The following SLC2A14 variants were observed in gnomAD, a reference collection of about 807,000 sequenced individuals.
SLC2A14 encodes solute carrier family 2 member 14, also known as solute carrier family 2, facilitated glucose transporter member 14.
In SLC2A14, 13 loss-of-function variants were observed where a neutral mutation model predicts 43.0. The ratio of observed to expected loss-of-function variants is 0.30; its 90% CI spans 0.20 to 0.48. The LOEUF is 0.48. Among genes scored for constraint, SLC2A14 ranks in the 20% least tolerant of loss-of-function variants. The pLI, the probability that SLC2A14 is intolerant of heterozygous loss-of-function variation, is 0.99. For missense variants in SLC2A14, 428 were observed against 620.4 expected (o/e 0.69, Z 3.29); for synonymous variants, 190 against 233.8 (o/e 0.81, Z 1.71).
chr12:7,819,233 C>A lies in SLC2A14; in HGVS notation c.1071+249G>T, dbSNP rs774459248. On this transcript the variant is annotated intron_variant, in intron 9 of 10. Transcript: ENST00000431042. ...ACTCCGTCTCAAACAAACAAACAAACAAACAAAAGAATTAAATTAGATAAC... is the reference window on the plus strand; with the variant it reads ...ACTCCGTCTCAAACAAACAAACAAAAAAACAAAAGAATTAAATTAGATAAC... Among the ~76,000 whole-genome samples the A allele has an allele frequency of 2.9e-3, 437 of 151,664 alleles. 6 individuals are homozygous for A. Among genetic ancestry groups the A allele is most frequent in the South Asian group, 7.3e-3 (35 of 4,814 alleles).
chr12:7,871,934 A>G, intron 1 of SLC2A14: 1 of 983,604 alleles, frequency 1.0e-6, no homozygotes, highest in South Asian at 4.7e-5. Context: ...GGGAGGCAGA[A>G]TCTCCAATAG....
Position 7,891,145 on chromosome 12 carries a change from T to C in SLC2A14, c.-18A>G, listed in dbSNP as rs1480258073. Reference sequence around the variant, plus strand: ...CTTTGCATTGTGAACAAAAGTCAGGTTGTGTGGGAGCAAAGCCAGCTGCTC... The same window carrying C: ...CTTTGCATTGTGAACAAAAGTCAGGCTGTGTGGGAGCAAAGCCAGCTGCTC... On this transcript the variant is annotated 5_prime_UTR_variant, in exon 1 of 10. Transcript: ENST00000539924. 3.9e-6 allele frequency: 6 copies of C among 1,529,748 alleles called. No individual in the cohort carries two copies. The East Asian group carries it at 1.2e-4, about 31-fold the overall frequency. 94.8% of individuals were successfully genotyped at this position (1,529,748 alleles called of 1,614,324 possible). A position where few individuals can be genotyped will look rare whatever the true frequency, so the allele number is the denominator to read the frequency against.
At chr12:7,855,564 A>T (rs954794315) in intron 2 of SLC2A14, among the ~76,000 whole-genome samples, 2 of 152,102 alleles carry the variant, frequency 1.3e-5, no homozygotes, top group African/African-American at 4.8e-5. Flanking sequence ...CTCCTCAACC[A>T]GTGTGATGCC....
chr12:7,837,449 G>A (rs1046365143), intron 2 of SLC2A14, among the ~76,000 whole-genome samples: 1 of 152,012 alleles, frequency 6.6e-6, no homozygotes, highest in African/African-American at 2.4e-5. Flanking sequence ...AGACCAGCCT[G>A]ACCAACATGG....
intron 2 of SLC2A14, among the ~76,000 whole-genome samples, chr12:7,840,603 C>T (rs775692056): frequency 1.3e-5 from 2 of 152,076 alleles, no homozygotes; most frequent in Non-Finnish European, 2.9e-5. Flanking sequence ...TCAGGCTGGT[C>T]TCAAACTCCT....
rs1863427566 is a variant in SLC2A14, at chr12:7,816,094, T to A, written c.1276-1560A>T. Among the ~76,000 whole-genome samples, 2 of 44,592 alleles carry A rather than the reference T, an allele frequency of 4.5e-5. 1 individual carries two copies. The highest frequency in any genetic ancestry group is 6.1e-4 in the Admixed American group (2 of 3,282). 29.3% of individuals were successfully genotyped at this position (44,592 alleles called of 152,430 possible). On this transcript the variant is annotated intron_variant, in intron 10 of 10. Transcript: ENST00000431042. ...TTCTTGAATTTTTATTTTTTATTTTTTTTATTTTTTTTATTTTTTTTGAGA... is the reference window on the plus strand; with the variant it reads ...TTCTTGAATTTTTATTTTTTATTTTATTTATTTTTTTTATTTTTTTTGAGA...
chr12:7,816,051 C>T lies in SLC2A14; in HGVS notation c.1276-1517G>A, dbSNP rs997389821. Among the ~76,000 whole-genome samples, 13 of 151,254 alleles carry T rather than the reference C, an allele frequency of 8.6e-5. 1 individual carries two copies. Among genetic ancestry groups the T allele is most frequent in the Non-Finnish European group, 1.6e-4 (11 of 67,900 alleles). On this transcript the variant is annotated intron_variant, in intron 10 of 10. Transcript: ENST00000431042. Reference sequence around the variant, plus strand: ...AAGTACCTGAGATTACAGGCGCCTGCCACCACACCCAGCTAATTTCTTGAA... The same window carrying T: ...AAGTACCTGAGATTACAGGCGCCTGTCACCACACCCAGCTAATTTCTTGAA...
chr12:7,868,324 C>T (rs763955899), intron 2 of SLC2A14, among the ~76,000 whole-genome samples: 1 of 152,166 alleles, frequency 6.6e-6, no homozygotes, highest in Non-Finnish European at 1.5e-5. Context: ...ACAGGAAATA[C>T]ACAACAGTAT....
At chr12:7,891,066 A>G in exon 1 of SLC2A14, 1 of 1,535,134 alleles carries the variant, frequency 6.5e-7, no homozygotes, top group East Asian at 2.4e-5. Context: ...GAAATGCCGC[A>G]TTTCATCTCC....
chr12:7,871,111 TC>T, intron 1 of SLC2A14: 1 of 1,343,004 alleles, frequency 7.4e-7, no homozygotes, highest in Non-Finnish European at 9.8e-7. Context: ...CTTCACCACT[TC>T]CCTCACCATG....
intron 2 of SLC2A14, among the ~76,000 whole-genome samples, chr12:7,836,109 T>C (rs150969670): frequency 9.2e-5 from 14 of 152,258 alleles, no homozygotes; most frequent in African/African-American, 2.6e-4. Flanking sequence ...AGGTGAATTA[T>C]CCTAAATCAA....
At chr12:7,862,756 C>A (rs767107233) in intron 2 of SLC2A14, among the ~76,000 whole-genome samples, 1 of 152,116 alleles carries the variant, frequency 6.6e-6, no homozygotes, top group South Asian at 2.1e-4. Flanking sequence ...CCAGTCAGCA[C>A]CCTGTGTTTA....
chr12:7,839,686 T>G (rs559268653), intron 2 of SLC2A14: 15 of 334,486 alleles, frequency 4.5e-5, no homozygotes, highest in Non-Finnish European at 7.7e-5. Context: ...AGAAACTTAA[T>G]CCTAATTGTA....
chr12:7,883,591 T>TTTTC, intron 1 of SLC2A14, among the ~76,000 whole-genome samples: 1 of 82,112 alleles, frequency 1.2e-5, no homozygotes, highest in African/African-American at 4.7e-5. Context: ...TTTTCTTTTC[T>TTTTC]TTTTTTTTTT....
At chr12:7,875,181 A>AATAT (rs1945439408), upstream of SLC2A14, among the ~76,000 whole-genome samples, 1 of 131,954 alleles carries the variant, frequency 7.6e-6, no homozygotes, top group South Asian at 2.2e-4. Flanking sequence ...ATTATATATA[A>AATAT]TATATAAATA....
chr12:7,821,189 TC>T, intron 8 of SLC2A14, 31 bp downstream of exon 8: 1 of 1,537,046 alleles, frequency 6.5e-7, no homozygotes, highest in South Asian at 1.1e-5. Context: ...GATTCATTTC[TC>T]CCCCCAAAAT....
At chr12:7,885,363 G>A (rs1945671012) in intron 1 of SLC2A14, among the ~76,000 whole-genome samples, 2 of 152,094 alleles carry the variant, frequency 1.3e-5, no homozygotes, top group African/African-American at 2.4e-5. Flanking sequence ...TACTCGGGAC[G>A]CTGAGGCGGG....
chr12:7,829,454 G>A (rs945910817), intron 5 of SLC2A14, among the ~76,000 whole-genome samples: 4 of 151,328 alleles, frequency 2.6e-5, no homozygotes, highest in African/African-American at 4.9e-5. Flanking sequence ...CAGCTACTCG[G>A]GAGGCTGAGG....
intron 1 of SLC2A14, chr12:7,870,790 A>T: frequency 1.1e-6 from 1 of 941,342 alleles, no homozygotes; most frequent in Non-Finnish European, 1.4e-6. Context: ...CAAAAAAAGT[A>T]AAGTAGTATG....
Sources: gnomAD v4.1 joint callset for allele counts (sites outside exome capture counted in the v4.1 genomes callset) on GRCh38, gnomAD v4.1.1 for gene constraint, MANE v1.5 for transcripts, NCBI Gene and HGNC (gene_info 2026-07-23, HGNC 2026-07-21) for gene names.